DAB1: variants seen among roughly 807,000 people sequenced by gnomAD.
DAB1 encodes DAB adaptor protein 1, also known as disabled homolog 1.
Under a neutral mutation model 64.6 loss-of-function variants are expected in DAB1, and 15 were observed. The ratio of observed to expected loss-of-function variants is 0.23; its 90% CI spans 0.16 to 0.36. DAB1 has a LOEUF of 0.36. Ranked by LOEUF, DAB1 falls within the 10% of genes least tolerant of loss-of-function variation. The probability of loss-of-function intolerance (pLI) is 1.00; values close to 1 mark genes in which losing one functional copy is unlikely to be tolerated. For synonymous variants in DAB1, 235 were observed against 251.9 expected, an observed-to-expected ratio of 0.93 and a Z score of 0.64; for missense variants, 596 against 706.7, an observed-to-expected ratio of 0.84 and a Z score of 1.78.
rs141265578 is a variant in DAB1, at chr1:57,906,096, T to A, written n.388-21934A>T. On this transcript the variant is annotated intron_variant and non_coding_transcript_variant, in intron 5 of 20. Coordinates refer to the DAB1 transcript ENST00000485760. ...AACCAGGTTCTCCCAATGGAAGTAG[T>A]GAGAAACTTCTGGAAAGGATTCTTA... Among the ~76,000 whole-genome samples, 26 of 152,278 alleles carry A rather than the reference T, an allele frequency of 1.7e-4. No individual in the cohort carries two copies. In the East Asian group the frequency reaches 3.9e-3, roughly 23 times the overall value.
At chr1:57,081,977 A>C (rs181196377) in intron 4 of DAB1, among the ~76,000 whole-genome samples, 282 of 152,332 alleles carry the variant, frequency 1.9e-3, no homozygotes, top group South Asian at 7.7e-3. Flanking sequence ...ATGTCAATAC[A>C]AACTTGAATT....
At chr1:57,991,996 A>G (rs1182829517) in intron 5 of DAB1, among the ~76,000 whole-genome samples, 2 of 152,146 alleles carry the variant, frequency 1.3e-5, no homozygotes, top group African/African-American at 4.8e-5. Flanking sequence ...GCAGAGACAC[A>G]GCAGAGTGGA....
intron 5 of DAB1, chr1:58,048,342 A>C: frequency 9.7e-7 from 1 of 1,032,316 alleles, no homozygotes; most frequent in Non-Finnish European, 1.5e-6. Context: ...TGATTGTTTT[A>C]ATTGCCCAAA....
At chr1:58,070,414 C>T (rs188813358) in intron 5 of DAB1, among the ~76,000 whole-genome samples, 1 of 152,286 alleles carries the variant, frequency 6.6e-6, no homozygotes, top group East Asian at 1.9e-4. Context: ...GAGAGGGATA[C>T]ATACTTGCGA....
chr1:58,432,358 A>C (rs913809684), intron 3 of DAB1, among the ~76,000 whole-genome samples: 1 of 152,128 alleles, frequency 6.6e-6, no homozygotes, highest in African/African-American at 2.4e-5. Flanking sequence ...CTAGACTCTA[A>C]GTTCCTCAAA....
At chr1:58,150,331 A>T (rs989993534) in intron 5 of DAB1, among the ~76,000 whole-genome samples, 3 of 152,234 alleles carry the variant, frequency 2.0e-5, no homozygotes, top group Non-Finnish European at 4.4e-5. Context: ...AGCAGCAGAC[A>T]AATTAAATAA....
chr1:57,265,799 T>C (rs565251701), intron 2 of DAB1, among the ~76,000 whole-genome samples: 342 of 152,316 alleles, frequency 2.2e-3, no homozygotes, highest in Middle Eastern at 6.8e-3. Flanking sequence ...AACTAGTCCC[T>C]TGCCCCCAGA....
At chr1:58,366,320 T>C (rs1166816967) in intron 3 of DAB1, among the ~76,000 whole-genome samples, 1 of 152,150 alleles carries the variant, frequency 6.6e-6, no homozygotes, top group Non-Finnish European at 1.5e-5. Flanking sequence ...ACAGGACCCA[T>C]TTTAGAATAA....
chr1:57,547,460 T>C (rs1388515715), intron 7 of DAB1, among the ~76,000 whole-genome samples: 1 of 152,202 alleles, frequency 6.6e-6, no homozygotes, highest in African/African-American at 2.4e-5. Context: ...ATTTCACTTA[T>C]GGAATAAAGG....
At chr1:57,231,894 A>T (rs886736205) in intron 2 of DAB1, among the ~76,000 whole-genome samples, 8 of 152,188 alleles carry the variant, frequency 5.3e-5, no homozygotes, top group African/African-American at 1.9e-4. Context: ...TGACTCATCC[A>T]GCCTCTTTTC....
chr1:57,836,187 G>A (rs1652799835), intron 1 of DAB1, among the ~76,000 whole-genome samples: 1 of 152,164 alleles, frequency 6.6e-6, no homozygotes, highest in South Asian at 2.1e-4. Context: ...CAACAACTCT[G>A]TGAAGAAATT....
chr1:57,891,931 C>T (rs1451786155), intron 5 of DAB1, among the ~76,000 whole-genome samples: 2 of 152,240 alleles, frequency 1.3e-5, no homozygotes, highest in Non-Finnish European at 2.9e-5. Flanking sequence ...CACCATGGCA[C>T]GTGTATACCT....
chr1:57,813,047 G>A (rs1651701251), intron 6 of DAB1, among the ~76,000 whole-genome samples: 1 of 152,144 alleles, frequency 6.6e-6, no homozygotes, highest in Non-Finnish European at 1.5e-5. Flanking sequence ...ACACACATAA[G>A]AATATACACA....
chr1:57,136,633 A>G lies in DAB1; in HGVS notation c.216T>C (p.Val72=). 1 of 1,522,444 alleles carries G rather than the reference A, an allele frequency of 6.6e-7. No individual in the cohort carries two copies. Among genetic ancestry groups the G allele is most frequent in the Non-Finnish European group, 8.9e-7 (1 of 1,118,712 alleles). The allele number at this position is 1,522,444 out of a possible 1,614,324, so 94.3% of individuals were successfully genotyped here. ...GTTCTCCTTTGGAACGAGCGCCAGCAACAACGCCCTGTTGAAAGGAAGAAC... is the reference window on the plus strand; with the variant it reads ...GTTCTCCTTTGGAACGAGCGCCAGCGACAACGCCCTGTTGAAAGGAAGAAC... ...QDSMMKLKGV[V]AGARSKGEHK... is the part of the protein sequence containing the mutation. Residue 72 remains valine (V), a synonymous_variant, in exon 4 of 15, where the codon GTT becomes GTC. Transcript: ENST00000371236.
At chr1:57,021,476 G>A (rs706357) in intron 11 of DAB1, among the ~76,000 whole-genome samples, 31,794 of 152,054 alleles carry the variant, frequency 0.21, 4,141 homozygotes, top group African/African-American at 0.33. Flanking sequence ...ATGGTAGTGA[G>A]TAAGTCTCAT....
intron 4 of DAB1, among the ~76,000 whole-genome samples, chr1:58,255,386 G>A (rs1660905872): frequency 6.6e-6 from 1 of 151,408 alleles, no homozygotes; most frequent in African/African-American, 2.4e-5. Context: ...TTCTATTGAT[G>A]ATGTCATCAC....
At chr1:58,072,673 A>G (rs931331234) in intron 5 of DAB1, among the ~76,000 whole-genome samples, 4 of 152,260 alleles carry the variant, frequency 2.6e-5, no homozygotes, top group African/African-American at 4.8e-5. Context: ...CAGTGATTAC[A>G]GTAATGATAA....
At chr1:58,448,860 G>C (rs918925385) in intron 3 of DAB1, among the ~76,000 whole-genome samples, 3 of 152,206 alleles carry the variant, frequency 2.0e-5, no homozygotes, top group African/African-American at 7.2e-5. Flanking sequence ...GAGTACAGCA[G>C]GGCTAAAGAA....
intron 7 of DAB1, among the ~76,000 whole-genome samples, chr1:57,494,738 A>G (rs777816894): frequency 1.3e-5 from 2 of 152,202 alleles, no homozygotes; most frequent in Non-Finnish European, 2.9e-5. Flanking sequence ...TTCTCGTCTC[A>G]ATATAATTAG....
Sources: allele counts gnomAD v4.1 joint callset (sites outside exome capture counted in the v4.1 genomes callset), GRCh38; gene constraint gnomAD v4.1.1; transcripts MANE v1.5; gene names NCBI Gene and HGNC (gene_info 2026-07-23, HGNC 2026-07-21).